Variants in SLC4A4 observed in about 807,000 individuals in gnomAD.
The protein encoded by SLC4A4 is electrogenic sodium bicarbonate cotransporter 1.
A neutral mutation model predicts 111.5 loss-of-function variants in SLC4A4; 27 were observed. The ratio of observed to expected loss-of-function variants is 0.24; its 90% CI spans 0.18 to 0.33. SLC4A4 has a LOEUF of 0.33. Ranked by LOEUF, SLC4A4 falls within the 10% of genes least tolerant of loss-of-function variation. SLC4A4 has a pLI of 1.00. For missense variants in SLC4A4, 909 were observed against 1,315.5 expected (o/e 0.69, Z 4.78); for synonymous variants, 443 against 463.4 (o/e 0.96, Z 0.57).
At chr4:71,465,920 G>A (rs1251474048) in intron 12 of SLC4A4, among the ~76,000 whole-genome samples, 1 of 152,048 alleles carries the variant, frequency 6.6e-6, no homozygotes, top group African/African-American at 2.4e-5. Context: ...GCAGAATGGA[G>A]GACAAATCAC....
chr4:71,421,109 C>A (rs1722431409), intron 7 of SLC4A4, among the ~76,000 whole-genome samples: 1 of 150,226 alleles, frequency 6.7e-6, no homozygotes, highest in African/African-American at 2.4e-5. Flanking sequence ...TGCAGAGACA[C>A]ACATAGGCTC....
intron 2 of SLC4A4, among the ~76,000 whole-genome samples, chr4:71,124,749 C>G (rs1432145861): frequency 6.6e-6 from 1 of 151,878 alleles, no homozygotes; most frequent in African/African-American, 2.4e-5. Flanking sequence ...TTCTTTTTTT[C>G]TTATTTCCTT....
intron 23 of SLC4A4, among the ~76,000 whole-genome samples, chr4:71,560,943 A>G (rs1306603736): frequency 1.3e-5 from 2 of 151,810 alleles, no homozygotes; most frequent in Non-Finnish European, 2.9e-5. Context: ...GCTCACAGAA[A>G]TACAGATTCT....
intron 2 of SLC4A4, among the ~76,000 whole-genome samples, chr4:71,102,713 C>A (rs1742792133): frequency 6.7e-6 from 1 of 150,140 alleles, no homozygotes; most frequent in African/African-American, 2.4e-5. Flanking sequence ...TACAGACAAG[C>A]AAATGCTGAG....
chr4:71,465,299 TC>T (rs547498369), intron 12 of SLC4A4, among the ~76,000 whole-genome samples: 11 of 152,178 alleles, frequency 7.2e-5, no homozygotes, highest in Admixed American at 3.3e-4. Context: ...CTATAGAATT[TC>T]TTTACTCATT....
intron 1 of SLC4A4, among the ~76,000 whole-genome samples, chr4:71,213,984 A>AC (rs1718279676): frequency 6.6e-6 from 1 of 151,786 alleles, no homozygotes; most frequent in Non-Finnish European, 1.5e-5. Context: ...CTGACAAGAC[A>AC]CTCCCTGTTC....
chr4:71,541,906 G>A (rs1259956739), intron 18 of SLC4A4, among the ~76,000 whole-genome samples: 1 of 152,102 alleles, frequency 6.6e-6, no homozygotes, highest in Non-Finnish European at 1.5e-5. Context: ...ATTTCTTGCA[G>A]TATTCTTTAT....
chr4:71,389,716 T>A (rs2148965396), intron 6 of SLC4A4, among the ~76,000 whole-genome samples: 1 of 152,292 alleles, frequency 6.6e-6, no homozygotes, highest in African/African-American at 2.4e-5. Context: ...CAGTAGTGTT[T>A]ATAGTAGTAA....
intron 4 of SLC4A4, among the ~76,000 whole-genome samples, chr4:71,341,531 G>C (rs1211536169): frequency 6.6e-6 from 1 of 152,084 alleles, no homozygotes; most frequent in Non-Finnish European, 1.5e-5. Context: ...TCCCTTTATG[G>C]ATGAAGAGTC....
rs527657752 is a variant in SLC4A4, at chr4:71,427,003, T to C, written c.808-13613T>C. Among the ~76,000 whole-genome samples, 3 of 152,242 alleles carry C rather than the reference T, an allele frequency of 2.0e-5. No homozygotes were observed. In the South Asian group the frequency reaches 6.2e-4, roughly 32 times the overall value. On this transcript the variant is annotated intron_variant, in intron 7 of 25. Transcript: ENST00000264485. ...GAATTTATTAAGAAATACATTGTAG[T>C]ATGTTTTATTAAAGTAAAACACACA... is the stretch of plus-strand genomic sequence containing the variant.
In SLC4A4 at chr4:71,094,794, A is replaced by G. The variant is rs187546214; in HGVS notation, c.-2+2002A>G. Among the ~76,000 whole-genome samples the G allele has an allele frequency of 3.6e-3, 499 of 138,134 alleles. 1 individual carries two copies. Among genetic ancestry groups the G allele is most frequent in the Non-Finnish European group, 3.8e-3 (244 of 63,936 alleles). The allele number at this position is 138,134 out of a possible 152,430, so 90.6% of individuals were successfully genotyped here. On this transcript the variant is annotated intron_variant, in intron 2 of 26. Transcript: ENST00000649996. ...GTGGTTCACGAGTCCTCATTTTTCCAGGACAAGAAAGGTCTCTCTGTCTTC... is the reference window on the plus strand; with the variant it reads ...GTGGTTCACGAGTCCTCATTTTTCCGGGACAAGAAAGGTCTCTCTGTCTTC...
chr4:71,565,152 G>A (rs374538965), intron 24 of SLC4A4, among the ~76,000 whole-genome samples: 9 of 151,860 alleles, frequency 5.9e-5, no homozygotes, highest in Admixed American at 5.3e-4. Context: ...CTTGGGGTAC[G>A]CCCTATGTAA....
chr4:71,194,235 G>A (rs1330122645), intron 1 of SLC4A4, among the ~76,000 whole-genome samples: 1 of 152,106 alleles, frequency 6.6e-6, no homozygotes, highest in Non-Finnish European at 1.5e-5. Context: ...GAGTTATGAG[G>A]AACAGATAAA....
Position 71,562,227 on chromosome 4 carries a change from C to A in SLC4A4, c.3100-1566C>A, listed in dbSNP as rs567715804. Among the ~76,000 whole-genome samples the A allele has an allele frequency of 7.2e-4, 110 of 151,794 alleles. 1 individual carries two copies. Among genetic ancestry groups the A allele is most frequent in the African/African-American group, 2.4e-3 (99 of 41,484 alleles). On this transcript the variant is annotated intron_variant, in intron 23 of 25. Transcript: ENST00000264485. Reference sequence around the variant, plus strand: ...TCCTACCCTTTCCAAAACAAACAAACAAATAAACATATACATTGGTTCCTA... The same window carrying A: ...TCCTACCCTTTCCAAAACAAACAAAAAAATAAACATATACATTGGTTCCTA...
Position 71,473,099 on chromosome 4 carries a change from T to G in SLC4A4, c.1903+129T>G, listed in dbSNP as rs749387756. On this transcript the variant is annotated intron_variant, in intron 14 of 25. Transcript: ENST00000264485. ...AGTCTTGTTTTTTTCTCTGAAAAAC[T>G]CTGCTACTGAATTTGATGTCTCATT... The G allele has an allele frequency of 5.7e-6, 6 of 1,055,452 alleles. No individual in the cohort carries two copies. The South Asian group carries it at 7.7e-5, about 13-fold the overall frequency. The allele number at this position is 1,055,452 out of a possible 1,614,324, so 65.4% of individuals were successfully genotyped here.
At chr4:71,467,594 T>C (rs1230297573) in intron 13 of SLC4A4, among the ~76,000 whole-genome samples, 1 of 152,154 alleles carries the variant, frequency 6.6e-6, no homozygotes, top group Non-Finnish European at 1.5e-5. Context: ...TCCTGCTTTC[T>C]GACTCCAGAG....
rs1296146509 is a variant in SLC4A4 at position 71,397,610 on chromosome 4, C to T, written c.764C>T (p.Ser255Phe). The change falls in exon 7 of 26, where the codon TCC (serine) becomes TTC (phenylalanine). Residue 255 changes from serine to phenylalanine, a missense_variant. Transcript: ENST00000264485. The stretch of plus-strand genomic sequence containing the variant: ...GCCATGACCCATAGGAATCTGACTT[C>T]CTCCAGTCTGAATGACATTTCTGAT... ...SPAMTHRNLT[S>F]SSLNDISDKP... The T allele has an allele frequency of 4.3e-6, 7 of 1,614,008 alleles. No homozygotes were observed. Among genetic ancestry groups the T allele is most frequent in the South Asian group, 3.3e-5 (3 of 91,082 alleles).
At chr4:71,409,378 G>C (rs746984755) in intron 7 of SLC4A4, among the ~76,000 whole-genome samples, 1 of 152,202 alleles carries the variant, frequency 6.6e-6, no homozygotes, top group Non-Finnish European at 1.5e-5. Flanking sequence ...TTCAGGCTGA[G>C]GTGGTCTCAG....
At chr4:71,552,120 A>G (rs1030242021) in intron 20 of SLC4A4, among the ~76,000 whole-genome samples, 2 of 151,860 alleles carry the variant, frequency 1.3e-5, no homozygotes, top group Non-Finnish European at 2.9e-5. Flanking sequence ...TTATGACATT[A>G]ATACCTCATT....
Sources: allele counts gnomAD v4.1 joint callset (sites outside exome capture counted in the v4.1 genomes callset), GRCh38; gene constraint gnomAD v4.1.1; transcripts MANE v1.5; gene names NCBI Gene and HGNC (gene_info 2026-07-23, HGNC 2026-07-21).